CDK19: variants seen among roughly 807,000 people sequenced by gnomAD.
The protein encoded by CDK19 is cyclin-dependent kinase 19.
In CDK19, 20 loss-of-function variants were observed where a neutral mutation model predicts 68.3. The observed-to-expected ratio is 0.29, with a 90% CI of 0.21 to 0.43. CDK19 has a LOEUF of 0.43. Ranked by LOEUF, CDK19 falls within the 20% of genes least tolerant of loss-of-function variation. CDK19 has a pLI of 1.00. For missense variants in CDK19, 339 were observed against 623.5 expected (o/e 0.54, Z 4.86); for synonymous variants, 221 against 222.8 (o/e 0.99, Z 0.07).
chr6:110,810,960 G>A (rs1425306862), intron 1 of CDK19, among the ~76,000 whole-genome samples: 1 of 152,106 alleles, frequency 6.6e-6, no homozygotes, highest in East Asian at 1.9e-4. Context: ...CTGGAGGTAA[G>A]ATGGCCTTTT....
At chr6:110,671,550 G>A (rs1256037735) in intron 2 of CDK19, among the ~76,000 whole-genome samples, 2 of 152,124 alleles carry the variant, frequency 1.3e-5, no homozygotes, top group African/African-American at 4.8e-5. Flanking sequence ...ATTTTATGAT[G>A]CACACAGAAC....
chr6:110,668,513 T>C (rs1385476354), intron 3 of CDK19, among the ~76,000 whole-genome samples: 1 of 152,146 alleles, frequency 6.6e-6, no homozygotes, highest in Non-Finnish European at 1.5e-5. Flanking sequence ...GAGCCACATG[T>C]ATAACTTTCC....
chr6:110,769,274 G>C (rs1398997359), intron 1 of CDK19, among the ~76,000 whole-genome samples: 1 of 150,898 alleles, frequency 6.6e-6, no homozygotes, highest in Non-Finnish European at 1.5e-5. Context: ...GTTAATAATA[G>C]GGAAAATTGG....
intron 4 of CDK19, among the ~76,000 whole-genome samples, chr6:110,666,045 A>G (rs536849454): frequency 6.6e-6 from 1 of 151,656 alleles, no homozygotes; most frequent in East Asian, 2.0e-4. Flanking sequence ...ACCCAGCCCA[A>G]TAATCATTTT....
intron 1 of CDK19, among the ~76,000 whole-genome samples, chr6:110,812,943 T>C (rs539481023): frequency 3.4e-4 from 51 of 152,176 alleles, no homozygotes; most frequent in African/African-American, 1.2e-3. Flanking sequence ...TACTGTAAAG[T>C]TGCAAATCTC....
intron 1 of CDK19, among the ~76,000 whole-genome samples, chr6:110,796,030 A>G (rs973104613): frequency 6.6e-6 from 1 of 152,108 alleles, no homozygotes; most frequent in Admixed American, 6.5e-5. Context: ...CAAACAACAC[A>G]TAATTATTCA....
chr6:110,744,287 G>GT (rs1299530769), intron 2 of CDK19, among the ~76,000 whole-genome samples: 2 of 151,922 alleles, frequency 1.3e-5, no homozygotes, highest in East Asian at 3.9e-4. Context: ...GGGATTATAA[G>GT]TGTGAGCCAC....
chr6:110,733,003 G>C (rs2114805761), intron 2 of CDK19, among the ~76,000 whole-genome samples: 1 of 152,266 alleles, frequency 6.6e-6, no homozygotes, highest in African/African-American at 2.4e-5. Context: ...GCAAGGTGGA[G>C]GTTGCAGTGA....
intron 1 of CDK19, among the ~76,000 whole-genome samples, chr6:110,810,598 A>C (rs1480747541): frequency 6.6e-6 from 1 of 152,128 alleles, no homozygotes; most frequent in East Asian, 1.9e-4. Context: ...AACATGGAGA[A>C]ACCCCATCTC....
intron 6 of CDK19, among the ~76,000 whole-genome samples, chr6:110,629,642 C>G (rs1004304408): frequency 6.6e-6 from 1 of 152,180 alleles, no homozygotes; most frequent in Non-Finnish European, 1.5e-5. Flanking sequence ...ACATGAGGCA[C>G]CTTGCCCGGC....
rs1299000120 is a variant in CDK19 at position 110,610,519 on chromosome 6, A to G, written c.*4016T>C. 4 of 152,496 alleles carry G rather than the reference A, an allele frequency of 2.6e-5. No homozygotes were observed. In the East Asian group the frequency reaches 7.7e-4, roughly 29 times the overall value. 9.4% of individuals were successfully genotyped at this position (152,496 alleles called of 1,614,324 possible). On this transcript the variant is annotated 3_prime_UTR_variant, in exon 13 of 13. Transcript: ENST00000368911. ...TAATACATACATATCACCCCTTTGC[A>G]GTGATAGCATAGAAGAGTAAGTATG...
At chr6:110,755,080 G>A (rs1011392517) in intron 1 of CDK19, among the ~76,000 whole-genome samples, 1 of 117,446 alleles carries the variant, frequency 8.5e-6, no homozygotes, top group African/African-American at 3.3e-5. Flanking sequence ...CGCTCTTGTT[G>A]CCCAGGCTGG....
intron 1 of CDK19, among the ~76,000 whole-genome samples, chr6:110,771,672 T>C (rs1458019503): frequency 2.0e-5 from 3 of 152,192 alleles, no homozygotes; most frequent in East Asian, 3.8e-4. Context: ...TTCCATAACA[T>C]TGTCAGGCTG....
Position 110,815,335 on chromosome 6 carries a change from T to A in CDK19, c.-199A>T. 2.3e-6 allele frequency: 1 copy of A among 426,636 alleles called. No homozygotes were observed. Among genetic ancestry groups the A allele is most frequent in the Non-Finnish European group, 3.9e-6 (1 of 254,870 alleles). 26.4% of individuals were successfully genotyped at this position (426,636 alleles called of 1,614,324 possible). On this transcript the variant is annotated 5_prime_UTR_variant, in exon 1 of 13. Transcript: ENST00000368911. ...GGCCACAGCAGCCACCTCCTCCACC[T>A]CTTCCTCCTCCTCCTCCGCGACGGC...
At chr6:110,767,982 A>G (rs1305169647) in intron 1 of CDK19, among the ~76,000 whole-genome samples, 1 of 152,202 alleles carries the variant, frequency 6.6e-6, no homozygotes, top group African/African-American at 2.4e-5. Context: ...AGAACTCTTA[A>G]AACTCAACAA....
At chr6:110,652,280 A>C (rs1045263873) in intron 4 of CDK19, among the ~76,000 whole-genome samples, 5 of 152,208 alleles carry the variant, frequency 3.3e-5, no homozygotes, top group African/African-American at 1.2e-4. Context: ...ACATAATGAA[A>C]GCTGAGAAGG....
intron 1 of CDK19, among the ~76,000 whole-genome samples, chr6:110,800,432 G>A (rs1782267744): frequency 6.6e-6 from 1 of 152,090 alleles, no homozygotes; most frequent in African/African-American, 2.4e-5. Context: ...AAGGAGGGAG[G>A]ATTCCTCCCT....
intron 4 of CDK19, among the ~76,000 whole-genome samples, chr6:110,652,744 G>A (rs1259252484): frequency 6.6e-6 from 1 of 152,118 alleles, no homozygotes; most frequent in East Asian, 1.9e-4. Context: ...GCAACACAAT[G>A]GAATGAAGAC....
At chr6:110,736,750 A>G (rs1777278898) in intron 2 of CDK19, among the ~76,000 whole-genome samples, 1 of 152,196 alleles carries the variant, frequency 6.6e-6, no homozygotes, top group African/African-American at 2.4e-5. Context: ...AATACCAACA[A>G]CAAAAACCAG....
Sources: allele counts gnomAD v4.1 joint callset (sites outside exome capture counted in the v4.1 genomes callset), GRCh38; gene constraint gnomAD v4.1.1; transcripts MANE v1.5; gene names NCBI Gene and HGNC (gene_info 2026-07-23, HGNC 2026-07-21).